Variants in HS3ST2 observed in about 807,000 individuals in gnomAD.
The protein encoded by HS3ST2 is heparan sulfate glucosamine 3-O-sulfotransferase 2.
In HS3ST2, 17 loss-of-function variants were observed where a neutral mutation model predicts 26.3. The ratio of observed to expected loss-of-function variants is 0.65; its 90% confidence interval spans 0.44 to 0.97. The LOEUF is 0.97. Among genes scored for constraint, HS3ST2 ranks in the 50% least tolerant of loss-of-function variants. The pLI, the probability that HS3ST2 is intolerant of heterozygous loss-of-function variation, is 0.00. For missense variants in HS3ST2, 402 were observed against 501.2 expected (o/e 0.80, Z 1.89); for synonymous variants, 237 against 219.2 (o/e 1.08, Z -0.72).
chr16:22,831,008 A>G (rs1901159489), intron 1 of HS3ST2, among the ~76,000 whole-genome samples: 1 of 152,230 alleles, frequency 6.6e-6, no homozygotes, highest in African/African-American at 2.4e-5. Context: ...TTCCAGCCCA[A>G]TACAGTTGCC....
chr16:22,879,856 A>G (rs1169239468), intron 1 of HS3ST2, among the ~76,000 whole-genome samples: 1 of 152,152 alleles, frequency 6.6e-6, no homozygotes, highest in Non-Finnish European at 1.5e-5. Flanking sequence ...GCCTTCTGCC[A>G]TCAAAGCATG....
At chr16:22,890,638 C>T (rs966543358) in intron 1 of HS3ST2, among the ~76,000 whole-genome samples, 1 of 152,042 alleles carries the variant, frequency 6.6e-6, no homozygotes, top group Non-Finnish European at 1.5e-5. Context: ...TACAATAATC[C>T]CAGGAGGTTA....
intron 1 of HS3ST2, among the ~76,000 whole-genome samples, chr16:22,871,492 C>T (rs528715714): frequency 6.6e-6 from 1 of 152,284 alleles, no homozygotes; most frequent in South Asian, 2.1e-4. Context: ...GCATTAAACA[C>T]ATTTTTAACT....
chr16:22,859,759 T>C (rs1043101408), intron 1 of HS3ST2, among the ~76,000 whole-genome samples: 5 of 152,174 alleles, frequency 3.3e-5, no homozygotes, highest in Non-Finnish European at 7.3e-5. Context: ...TCTCCAGCAG[T>C]AACCGAGCAG....
intron 1 of HS3ST2, among the ~76,000 whole-genome samples, chr16:22,820,644 C>T (rs1900978622): frequency 6.6e-6 from 1 of 152,252 alleles, no homozygotes; most frequent in African/African-American, 2.4e-5. Flanking sequence ...CGGGAAACCG[C>T]CATGATTCAA....
chr16:22,820,467 A>G (rs144485275), intron 1 of HS3ST2, among the ~76,000 whole-genome samples: 2,207 of 152,310 alleles, frequency 0.014, 29 homozygotes, highest in Middle Eastern at 0.02. Context: ...GGTTTAATGG[A>G]CTCACAGTTC....
chr16:22,845,014 C>G (rs1280259935), intron 1 of HS3ST2, among the ~76,000 whole-genome samples: 1 of 150,954 alleles, frequency 6.6e-6, no homozygotes, highest in Non-Finnish European at 1.5e-5. Context: ...GCCACCATGC[C>G]TGGCTAATTT....
rs1489223344 is a variant in HS3ST2, at chr16:22,914,763, A to AAAAAAAAAAAAAAAAAAAG, written c.486-180_486-179insAAAAAAAAAAAAAAAAAGA. 1.1e-4 allele frequency among the ~76,000 whole-genome samples: 13 copies of AAAAAAAAAAAAAAAAAAAG among 118,688 alleles called. 3 individuals are homozygous for AAAAAAAAAAAAAAAAAAAG. Among genetic ancestry groups the AAAAAAAAAAAAAAAAAAAG allele is most frequent in the African/African-American group, 4.1e-4 (11 of 26,622 alleles). 77.9% of individuals were successfully genotyped at this position (118,688 alleles called of 152,430 possible). Reference sequence around the variant, plus strand: ...AAAAAAAAAAAAAAAAAAAAAAAAAAAGAGAAGAAAAGAAAATCAACAAGA... The same window carrying AAAAAAAAAAAAAAAAAAAG: ...AAAAAAAAAAAAAAAAAAAAAAAAAAAAAAAAAAAAAAAAAAAAGAGAGAAGAAAAGAAAATCAACAAGA... On this transcript the variant is annotated intron_variant, in intron 1 of 1. Coordinates refer to ENST00000261374, the MANE Select transcript of HS3ST2 (RefSeq NM_006043.2).
intron 1 of HS3ST2, among the ~76,000 whole-genome samples, chr16:22,831,593 A>ATT (rs11383417): frequency 0.13 from 20,007 of 148,340 alleles, 1,373 homozygotes; most frequent in South Asian, 0.23. Context: ...GGGCTAACCC[A>ATT]TTTTTTTTTT....
chr16:22,911,547 G>T (rs1902424891), intron 1 of HS3ST2, among the ~76,000 whole-genome samples: 1 of 152,190 alleles, frequency 6.6e-6, no homozygotes, highest in Non-Finnish European at 1.5e-5. Context: ...AGCAGGGTTG[G>T]TTCCTTCTGA....
At chr16:22,883,869 AGGAAAAGTTGG>A (rs1267902960) in intron 1 of HS3ST2, among the ~76,000 whole-genome samples, 5 of 152,174 alleles carry the variant, frequency 3.3e-5, no homozygotes, top group African/African-American at 1.2e-4. Flanking sequence ...ATCTGCCTGA[AGGAAAAGTTGG>A]GGAACCCACC....
chr16:22,866,064 T>C (rs1901745292), intron 1 of HS3ST2, among the ~76,000 whole-genome samples: 1 of 152,174 alleles, frequency 6.6e-6, no homozygotes, highest in Non-Finnish European at 1.5e-5. Flanking sequence ...ACTGGTTCCT[T>C]ACATTATGTT....
At chr16:22,831,380 G>A (rs1901165480) in intron 1 of HS3ST2, among the ~76,000 whole-genome samples, 2 of 152,186 alleles carry the variant, frequency 1.3e-5, no homozygotes, top group Non-Finnish European at 2.9e-5. Context: ...TAAAGTCTGG[G>A]TGGTTTAAAA....
chr16:22,904,557 G>A (rs1435042414), intron 1 of HS3ST2, among the ~76,000 whole-genome samples: 1 of 152,222 alleles, frequency 6.6e-6, no homozygotes, highest in Non-Finnish European at 1.5e-5. Flanking sequence ...AGTCAGGGAA[G>A]GCTTTATGGT....
chr16:22,894,100 C>A (rs1383151456), intron 1 of HS3ST2, among the ~76,000 whole-genome samples: 1 of 152,190 alleles, frequency 6.6e-6, no homozygotes, highest in Admixed American at 6.5e-5. Flanking sequence ...GGGTTCCAGG[C>A]ATGAGCTACC....
chr16:22,885,216 AG>A (rs1362387226), intron 1 of HS3ST2, among the ~76,000 whole-genome samples: 1 of 151,914 alleles, frequency 6.6e-6, no homozygotes, highest in Admixed American at 6.6e-5. Flanking sequence ...GATCTGTGAG[AG>A]GTGGCTTAGA....
chr16:22,834,320 A>G (rs1165508491), intron 1 of HS3ST2, among the ~76,000 whole-genome samples: 2 of 152,310 alleles, frequency 1.3e-5, no homozygotes, highest in African/African-American at 4.8e-5. Flanking sequence ...TGTATACTTA[A>G]TATACCATTT....
At chr16:22,862,275 CTT>C (rs397855284) in intron 1 of HS3ST2, among the ~76,000 whole-genome samples, 4,688 of 123,122 alleles carry the variant, frequency 0.038, 167 homozygotes, top group East Asian at 0.16. Context: ...TTCTCCTCAG[CTT>C]TTTTTTTTTT....
At chr16:22,886,949 G>T (rs112089776) in intron 1 of HS3ST2, among the ~76,000 whole-genome samples, 5 of 152,142 alleles carry the variant, frequency 3.3e-5, no homozygotes, top group Non-Finnish European at 7.4e-5. Flanking sequence ...ATGAGGTTTT[G>T]CTATGTTGCC....
Sources: allele counts gnomAD v4.1 joint callset (sites outside exome capture counted in the v4.1 genomes callset), GRCh38; gene constraint gnomAD v4.1.1; transcripts MANE v1.5; gene names NCBI Gene and HGNC (gene_info 2026-07-23, HGNC 2026-07-21).